The following MYO15B variants were observed in gnomAD, a reference collection of about 807,000 sequenced individuals.
MYO15B encodes the protein myosin XVB.
MYO15B carries 207 observed loss-of-function variants against 119.3 expected under a neutral mutation model. That is an observed-to-expected ratio of 1.73 (90% CI 1.55 to 1.95). MYO15B has a LOEUF of 1.95. MYO15B is among the 30% of genes most tolerant of loss of function. The pLI is 0.00. For synonymous variants in MYO15B, 966 were observed against 498.9 expected, an observed-to-expected ratio of 1.94 and a Z score of -12.48; for missense variants, 2,264 against 1,203.1, an observed-to-expected ratio of 1.88 and a Z score of -13.04.
chr17:75,605,068 T>A (rs1403933611), intron 19 of MYO15B, among the ~76,000 whole-genome samples: 1 of 144,738 alleles, frequency 6.9e-6, no homozygotes, highest in Non-Finnish European at 1.5e-5. Flanking sequence ...ACCTGGGAGG[T>A]GGAGATTGTG....
At chr17:75,621,554 T>C in exon 52 of MYO15B, 1 of 701,840 alleles carries the variant, frequency 1.4e-6, no homozygotes, top group Non-Finnish European at 2.6e-6. Context: ...GCAAGCTGGC[T>C]GTAGCCAGCT....
rs776715691 is a variant in MYO15B, at chr17:75,621,340, C to A, written c.7872-5C>A. ...AGCTGGGCTGTCTCCCTCTGCCCCC[C>A]ACAGGCTGGGCCAGACTGATGGAGG... On this transcript the variant is annotated splice_region_variant and splice_polypyrimidine_tract_variant and intron_variant, in intron 50 of 63. Transcript: ENST00000645453. The A allele has an allele frequency of 1.3e-5, 9 of 697,522 alleles. No homozygotes were observed. The highest frequency in any genetic ancestry group is 3.5e-5 in the African/African-American group (2 of 57,168). The allele number at this position is 697,522 out of a possible 1,614,324, so 43.2% of individuals were successfully genotyped here. A position where few individuals can be genotyped will look rare whatever the true frequency, so the allele number is the denominator to read the frequency against.
At chr17:75,591,110 C>T in intron 3 of MYO15B, 62 bp from the exon 4 acceptor site, 2 of 701,202 alleles carry the variant, frequency 2.9e-6, no homozygotes, top group Non-Finnish European at 2.6e-6. Context: ...CCTGTGAGCA[C>T]CTCTGCTACA....
exon 5 of MYO15B, chr17:75,591,647 G>A (rs867143500): frequency 1.3e-5 from 9 of 702,872 alleles, no homozygotes; most frequent in South Asian, 5.9e-5. Context: ...GACGGAAGCC[G>A]CCAAAAAGAT....
At chr17:75,611,489 AT>A in intron 23 of MYO15B, 111 bp from the exon 24 acceptor site, 3 of 615,692 alleles carry the variant, frequency 4.9e-6, no homozygotes, top group Non-Finnish European at 5.8e-6. Flanking sequence ...AAAAAAAAAA[AT>A]CCGTGGTCTT....
chr17:75,588,854 C>T, exon 1 of MYO15B: 1 of 398,470 alleles, frequency 2.5e-6, no homozygotes, highest in East Asian at 3.6e-5. Context: ...GAGGACAGCT[C>T]GCGGGCTCCT....
At chr17:75,606,465 C>T (rs932548318) in intron 21 of MYO15B, among the ~76,000 whole-genome samples, 1 of 126,036 alleles carries the variant, frequency 7.9e-6, no homozygotes, top group African/African-American at 3.1e-5. Context: ...CAGGCTTGTG[C>T]CACCACACTC....
chr17:75,616,367 CCAGGGGGAAGCG>C (rs2058370611), exon 38 of MYO15B: 1 of 617,454 alleles, frequency 1.6e-6, no homozygotes, highest in South Asian at 1.9e-5. Context: ...TCCACATCCC[CCAGGGGGAAGCG>C]CAGGAGGAGG....
intron 14 of MYO15B, among the ~76,000 whole-genome samples, chr17:75,598,629 C>T (rs1568135037): frequency 6.6e-6 from 1 of 151,556 alleles, no homozygotes; most frequent in Non-Finnish European, 1.5e-5. Flanking sequence ...TAATGCAATA[C>T]ATGTCTTCAT....
At chr17:75,590,547 C>T (rs2056371275) in intron 1 of MYO15B, 79 bp from the exon 2 acceptor site, 1 of 325,228 alleles carries the variant, frequency 3.1e-6, no homozygotes, top group South Asian at 1.6e-4. Flanking sequence ...TTGCCAGGGT[C>T]CCTGCAGTGG....
rs953005368 is a variant in MYO15B at position 75,602,811 on chromosome 17, C to T, written c.3730-19C>T. On this transcript the variant is annotated intron_variant, in intron 16 of 63. Coordinates refer to ENST00000645453, the Ensembl canonical transcript of MYO15B. ...GGCACGCCCCAGCGGCCAGCTGACT[C>T]AGCCCTTCACCCCCACAGCTGGTGG... is the stretch of plus-strand genomic sequence containing the variant. The T allele has an allele frequency of 8.2e-6, 5 of 613,020 alleles. No homozygotes were observed. Among genetic ancestry groups the T allele is most frequent in the Non-Finnish European group, 1.5e-5 (5 of 343,768 alleles). The allele number at this position is 613,020 out of a possible 1,614,324, so 38.0% of individuals were successfully genotyped here.
At chr17:75,616,698 G>A (rs1437382537) in exon 39 of MYO15B, 6 of 702,868 alleles carry the variant, frequency 8.5e-6, no homozygotes, top group East Asian at 8.0e-5. Flanking sequence ...AAGCCCAAGC[G>A]GCCACAACCC....
rs1471300746 is a variant in MYO15B at position 75,601,393 on chromosome 17, C to T, written c.3526-45C>T. On this transcript the variant is annotated intron_variant, in intron 14 of 63. Transcript: ENST00000645453. ...CGGGAGAGGGCGCCATCCAGAAGGACAGCCTGTGCAGAGGCGTGAAGGGAG... is the reference window on the plus strand; with the variant it reads ...CGGGAGAGGGCGCCATCCAGAAGGATAGCCTGTGCAGAGGCGTGAAGGGAG... 1.0e-5 allele frequency: 7 copies of T among 698,490 alleles called. No homozygotes were observed. In the South Asian group the frequency reaches 1.0e-4, roughly 10 times the overall value. 43.3% of individuals were successfully genotyped at this position (698,490 alleles called of 1,614,324 possible). A position where few individuals can be genotyped will look rare whatever the true frequency, so the allele number is the denominator to read the frequency against.
exon 58 of MYO15B, chr17:75,624,586 T>C (rs887375839): frequency 2.8e-6 from 2 of 702,740 alleles, no homozygotes; most frequent in Non-Finnish European, 5.2e-6. Flanking sequence ...CAAATGGGTA[T>C]CACGGAGCCT....
In MYO15B at chr17:75,594,105, G is replaced by GAA. The variant is rs57049037; in HGVS notation, c.2992-360_2992-359dup. On this transcript the variant is annotated intron_variant, in intron 9 of 63. Coordinates refer to ENST00000645453, the Ensembl canonical transcript of MYO15B. ...ACCCTGTCTCAAAAAAAAAAAAAAA[G>GAA]AAAAAAAAAAATCAAACGAGCAGCT... Among the ~76,000 whole-genome samples the GAA allele has an allele frequency of 1.9e-3, 254 of 134,032 alleles. 1 individual carries two copies. The highest frequency in any genetic ancestry group is 5.2e-3 in the African/African-American group (182 of 34,828). 87.9% of individuals were successfully genotyped at this position (134,032 alleles called of 152,430 possible).
At chr17:75,620,414 T>C in intron 48 of MYO15B, 53 bp from the exon 49 acceptor site, 1 of 702,716 alleles carries the variant, frequency 1.4e-6, no homozygotes, top group Non-Finnish European at 2.6e-6. Context: ...TGGCAGAGGC[T>C]GCCCGGGGGC....
chr17:75,621,335 C>T lies in MYO15B; in HGVS notation c.7872-10C>T, dbSNP rs759166162. On this transcript the variant is annotated splice_polypyrimidine_tract_variant and intron_variant, in intron 50 of 63. Transcript: ENST00000645453. ...AAACAAGCTGGGCTGTCTCCCTCTGCCCCCCACAGGCTGGGCCAGACTGAT... is the reference window on the plus strand; with the variant it reads ...AAACAAGCTGGGCTGTCTCCCTCTGTCCCCCACAGGCTGGGCCAGACTGAT... 6 of 695,330 alleles carry T rather than the reference C, an allele frequency of 8.6e-6. No homozygotes were observed. In the South Asian group the frequency reaches 8.9e-5, roughly 10 times the overall value. The allele number at this position is 695,330 out of a possible 1,614,324, so 43.1% of individuals were successfully genotyped here. A position where few individuals can be genotyped will look rare whatever the true frequency, so the allele number is the denominator to read the frequency against.
At chr17:75,619,174 T>C (rs999194778) in exon 44 of MYO15B, 9 of 702,714 alleles carry the variant, frequency 1.3e-5, no homozygotes, top group African/African-American at 1.0e-4. Context: ...GAGTCCTGTA[T>C]CCGGATTTCC....
At chr17:75,590,316 T>A in intron 1 of MYO15B, 73 bp downstream of exon 1, 1 of 398,928 alleles carries the variant, frequency 2.5e-6, no homozygotes, top group African/African-American at 2.1e-5. Flanking sequence ...CTCATCTTTA[T>A]GAATTGCGTG....
Sources: gnomAD v4.1 joint callset for allele counts (sites outside exome capture counted in the v4.1 genomes callset) on GRCh38, gnomAD v4.1.1 for gene constraint, MANE v1.5 for transcripts, NCBI Gene and HGNC (gene_info 2026-07-23, HGNC 2026-07-21) for gene names.